RYK: variants seen among roughly 807,000 people sequenced by gnomAD.
RYK encodes the protein inactive tyrosine-protein kinase RYK.
RYK carries 21 observed loss-of-function variants against 70.2 expected under a neutral mutation model. The observed-to-expected ratio is 0.30, with a 90% confidence interval of 0.21 to 0.43. The LOEUF is 0.43. RYK is among the 20% of genes least tolerant of loss of function. RYK has a pLI of 1.00. For missense variants in RYK, 604 were observed against 753.3 expected (o/e 0.80, Z 2.32); for synonymous variants, 267 against 278.0 (o/e 0.96, Z 0.39).
intron 2 of RYK, 65 bp from the exon 3 acceptor site, chr3:134,211,672 C>T: frequency 1.9e-6 from 2 of 1,065,010 alleles, no homozygotes; most frequent in Non-Finnish European, 2.9e-6. Context: ...ATCAGCTTGA[C>T]TTCATTAATT....
At chr3:134,187,421 C>A (rs991569571) in intron 9 of RYK, among the ~76,000 whole-genome samples, 1 of 152,008 alleles carries the variant, frequency 6.6e-6, no homozygotes, top group South Asian at 2.1e-4. Flanking sequence ...AGGGAAAGTG[C>A]TAAATTTGTT....
intron 1 of RYK, among the ~76,000 whole-genome samples, chr3:134,244,166 C>T (rs372049045): frequency 1.2e-4 from 19 of 152,262 alleles, no homozygotes; most frequent in African/African-American, 4.3e-4. Flanking sequence ...CCCCTATCAC[C>T]ACCACCACTG....
At chr3:134,197,483 C>T (rs1421773564) in intron 6 of RYK, among the ~76,000 whole-genome samples, 1 of 152,172 alleles carries the variant, frequency 6.6e-6, no homozygotes, top group Non-Finnish European at 1.5e-5. Flanking sequence ...AGCCCTCAAA[C>T]ATATCTTTAT....
intron 1 of RYK, among the ~76,000 whole-genome samples, chr3:134,224,009 G>A (rs897300849): frequency 1.2e-4 from 19 of 152,210 alleles, no homozygotes; most frequent in Non-Finnish European, 2.2e-4. Flanking sequence ...TTTAAGGCAC[G>A]CCACATAGGG....
intron 9 of RYK, 84 bp downstream of exon 9, chr3:134,188,753 T>G (rs2013550813): frequency 1.3e-6 from 1 of 794,248 alleles, no homozygotes; most frequent in African/African-American, 1.7e-5. Flanking sequence ...TGGCACACAT[T>G]GGGAAACTGA....
In RYK at chr3:134,206,245, C is replaced by T. The variant is rs1005200486; in HGVS notation, c.643+1227G>A. ...AAGACAAAATAGGCAGCACAGAGTA[C>T]CTACCATCTATGGACTATTCTTACC... On this transcript the variant is annotated intron_variant, in intron 5 of 14. Coordinates refer to ENST00000623711, the MANE Select transcript of RYK (RefSeq NM_002958.4). Among the ~76,000 whole-genome samples, 21 of 152,236 alleles carry T rather than the reference C, an allele frequency of 1.4e-4. 3 individuals carry two copies. The highest frequency in any genetic ancestry group is 1.4e-3 in the Admixed American group (21 of 15,294).
intron 1 of RYK, among the ~76,000 whole-genome samples, chr3:134,240,017 G>A (rs923481482): frequency 2.6e-5 from 4 of 152,180 alleles, no homozygotes; most frequent in African/African-American, 4.8e-5. Context: ...GGGAGGGGCA[G>A]GGATAAGAGT....
intron 1 of RYK, among the ~76,000 whole-genome samples, chr3:134,243,190 G>C (rs896326562): frequency 6.6e-6 from 1 of 152,020 alleles, no homozygotes; most frequent in South Asian, 2.1e-4. Flanking sequence ...AAAAGGAAAG[G>C]GTCCTTTGGT....
At chr3:134,196,582 A>ACAC (rs2013819633) in intron 6 of RYK, among the ~76,000 whole-genome samples, 1 of 128,394 alleles carries the variant, frequency 7.8e-6, no homozygotes, top group African/African-American at 2.9e-5. Context: ...TCTGAAACAA[A>ACAC]ACACACACAC....
chr3:134,187,699 T>G (rs1167877337), intron 9 of RYK, among the ~76,000 whole-genome samples: 1 of 151,434 alleles, frequency 6.6e-6, no homozygotes. Flanking sequence ...GGACTACAGG[T>G]ATATGCTACC....
intron 13 of RYK, among the ~76,000 whole-genome samples, chr3:134,160,377 G>A (rs750234480): frequency 1.3e-5 from 2 of 151,962 alleles, no homozygotes; most frequent in Admixed American, 6.6e-5. Flanking sequence ...AATACCAAAC[G>A]CAAGTCAAAT....
At chr3:134,234,266 C>G (rs1443245578) in intron 1 of RYK, among the ~76,000 whole-genome samples, 1 of 152,070 alleles carries the variant, frequency 6.6e-6, no homozygotes, top group African/African-American at 2.4e-5. Context: ...AAATAAAATT[C>G]AATTTAGAAA....
chr3:134,213,050 C>T (rs1246508219), intron 2 of RYK, among the ~76,000 whole-genome samples: 2 of 152,202 alleles, frequency 1.3e-5, no homozygotes, highest in Admixed American at 6.5e-5. Flanking sequence ...GAAGTGTTCA[C>T]ATTCACCTTA....
At chr3:134,196,622 C>G (rs1233878538) in intron 6 of RYK, among the ~76,000 whole-genome samples, 1 of 140,100 alleles carries the variant, frequency 7.1e-6, no homozygotes, top group Non-Finnish European at 1.6e-5. Flanking sequence ...CACACACACA[C>G]ACACACGGCT....
At chr3:134,184,724 C>G (rs1169328482) in intron 9 of RYK, among the ~76,000 whole-genome samples, 1 of 152,028 alleles carries the variant, frequency 6.6e-6, no homozygotes, top group Non-Finnish European at 1.5e-5. Flanking sequence ...ATGATTGCAC[C>G]ACTGCACTCC....
At chr3:134,221,901 C>T (rs929032061) in intron 2 of RYK, among the ~76,000 whole-genome samples, 8 of 152,260 alleles carry the variant, frequency 5.3e-5, no homozygotes, top group Admixed American at 3.9e-4. Flanking sequence ...ACAAGTAGCC[C>T]AGGCAAGAGA....
chr3:134,243,854 ATC>A (rs1173526160), intron 1 of RYK, among the ~76,000 whole-genome samples: 1 of 152,286 alleles, frequency 6.6e-6, no homozygotes, highest in East Asian at 1.9e-4. Context: ...TATAACTCTT[ATC>A]TCTGTTACAG....
At chr3:134,228,659 A>G (rs1003626778) in intron 1 of RYK, among the ~76,000 whole-genome samples, 5 of 152,218 alleles carry the variant, frequency 3.3e-5, no homozygotes, top group African/African-American at 7.2e-5. Flanking sequence ...AAAAAAGTTG[A>G]TATCATAGGA....
At chr3:134,210,519 A>G (rs1479254691) in intron 3 of RYK, among the ~76,000 whole-genome samples, 1 of 152,248 alleles carries the variant, frequency 6.6e-6, no homozygotes, top group Non-Finnish European at 1.5e-5. Flanking sequence ...TAAAAATTTA[A>G]GCAGCCCTCC....
Sources: gnomAD v4.1 joint callset for allele counts (sites outside exome capture counted in the v4.1 genomes callset) on GRCh38, gnomAD v4.1.1 for gene constraint, MANE v1.5 for transcripts, NCBI Gene and HGNC (gene_info 2026-07-23, HGNC 2026-07-21) for gene names.